The following CCDC82 variants were observed in gnomAD, a reference collection of about 807,000 sequenced individuals.
CCDC82 encodes the protein coiled-coil domain-containing protein 82.
CCDC82 carries 47 observed loss-of-function variants against 60.6 expected under a neutral mutation model. That is an observed-to-expected ratio of 0.77 (90% confidence interval 0.61 to 0.99). The LOEUF is 0.99. CCDC82 is among the 50% of genes least tolerant of loss of function. The pLI is 0.00. For synonymous variants in CCDC82, 212 were observed against 207.4 expected (o/e 1.02, Z -0.19); for missense variants, 588 against 633.0 (o/e 0.93, Z 0.76).
At chr11:96,387,876 G>A (rs1255886642) in intron 1 of CCDC82, 1 of 152,120 alleles carries the variant, frequency 6.6e-6, no homozygotes, top group East Asian at 1.9e-4. Flanking sequence ...AACACCAATT[G>A]CAAAATTTAA....
chr11:96,381,922 T>G (rs1865896516), intron 5 of CCDC82: 1 of 151,858 alleles, frequency 6.6e-6, no homozygotes. Flanking sequence ...GGCAGTAGCA[T>G]CAAACTACTA....
intron 5 of CCDC82, among the ~76,000 whole-genome samples, chr11:96,376,773 G>A (rs1481484053): frequency 2.6e-5 from 4 of 152,200 alleles, no homozygotes; most frequent in East Asian, 1.9e-4. Context: ...TTTTGGTTGC[G>A]ATTGTAGATG....
At position 96,365,167 on chromosome 11, in the gene CCDC82, TAA is replaced by T; in HGVS notation, c.1210-19_1210-18del. On this transcript the variant is annotated intron_variant, in intron 7 of 9. Coordinates refer to ENST00000646818, the MANE Select transcript of CCDC82 (RefSeq NM_024725.4). ...TACTCGCTCCTGAAAACAAAAAATATAAAAAAAAGTTTAAAAGATAAAGAATA... is the reference window on the plus strand; with the variant it reads ...TACTCGCTCCTGAAAACAAAAAATATAAAAAAGTTTAAAAGATAAAGAATA... 1 of 1,447,690 alleles carries T rather than the reference TAA, an allele frequency of 6.9e-7. No homozygotes were observed. The highest frequency in any genetic ancestry group is 9.3e-7 in the Non-Finnish European group (1 of 1,072,262). 89.7% of individuals were successfully genotyped at this position (1,447,690 alleles called of 1,614,324 possible).
chr11:96,360,200 T>TA (rs67524232), intron 8 of CCDC82, among the ~76,000 whole-genome samples: 14,285 of 142,988 alleles, frequency 0.1, 879 homozygotes, highest in Middle Eastern at 0.22. Context: ...ATATATATAT[T>TA]TTTTTTGTTT....
At position 96,359,017 on chromosome 11, in the gene CCDC82, T is replaced by TGACCGCCTGAAAATTCTTTC; in HGVS notation, c.1522_1541dup (p.Asn517PhefsTer45). 1 of 1,609,346 alleles carries TGACCGCCTGAAAATTCTTTC rather than the reference T, an allele frequency of 6.2e-7. No homozygotes were observed. Among genetic ancestry groups the TGACCGCCTGAAAATTCTTTC allele is most frequent in the Non-Finnish European group, 8.5e-7 (1 of 1,178,696 alleles). On this transcript the variant is annotated frameshift_variant, in exon 9 of 10. Transcript: ENST00000646818. LOFTEE classifies it high-confidence loss of function. ...CCTCCTTAATCCAGCCATTTTCTTTTGACCGCCTGAAAATTCTTTCCACTG... is the reference window on the plus strand; with the variant it reads ...CCTCCTTAATCCAGCCATTTTCTTTTGACCGCCTGAAAATTCTTTCGACCGCCTGAAAATTCTTTCCACTG...
At chr11:96,388,457 A>C (rs969130533) in intron 1 of CCDC82, 1 of 152,234 alleles carries the variant, frequency 6.6e-6, no homozygotes, top group Non-Finnish European at 1.5e-5. Flanking sequence ...CAATACTATC[A>C]CATCTTTGTG....
intron 5 of CCDC82, among the ~76,000 whole-genome samples, chr11:96,379,340 T>C (rs1166721204): frequency 6.6e-6 from 1 of 151,874 alleles, no homozygotes; most frequent in South Asian, 2.1e-4. Context: ...ATTATCACTC[T>C]AGAATATGTG....
rs1029896041 is a variant in CCDC82, at chr11:96,367,159, T to A, written c.1210-2009A>T. Among the ~76,000 whole-genome samples the A allele has an allele frequency of 2.0e-5, 3 of 152,228 alleles. No homozygotes were observed. In the South Asian group the frequency reaches 6.2e-4, roughly 31 times the overall value. The stretch of plus-strand genomic sequence containing the variant: ...GCTAGTTGCTGAAGGCTGGGGTAGC[T>A]GTGGCAATTTCTTAAAACAAGACAA... On this transcript the variant is annotated intron_variant, in intron 7 of 9. Transcript: ENST00000646818.
chr11:96,375,744 T>C (rs1046657076), intron 5 of CCDC82, among the ~76,000 whole-genome samples: 4 of 152,254 alleles, frequency 2.6e-5, no homozygotes, highest in Admixed American at 1.3e-4. Context: ...CCTAGTTAAA[T>C]ATTGTTACAC....
In CCDC82 at chr11:96,364,972, G is replaced by A; in HGVS notation, c.1380+8C>T. On this transcript the variant is annotated splice_region_variant and intron_variant, in intron 8 of 9. Transcript: ENST00000646818. ...TACTGAAAATTAAGATTAGAGGGAA[G>A]AAAATACCTGTTTATCATGTGACAT... 6.3e-7 allele frequency: 1 copy of A among 1,588,564 alleles called. No individual in the cohort carries two copies. Among genetic ancestry groups the A allele is most frequent in the Non-Finnish European group, 8.5e-7 (1 of 1,169,980 alleles).
intron 9 of CCDC82, chr11:96,357,405 G>A (rs1864401826): frequency 2.0e-6 from 2 of 985,062 alleles, no homozygotes; most frequent in African/African-American, 1.7e-5. Flanking sequence ...TATTCTTTAT[G>A]TATAACATGA....
At position 96,371,102 on chromosome 11, in the gene CCDC82, G is replaced by A; in HGVS notation, c.1120C>T (p.Leu374=). 6.3e-7 allele frequency: 1 copy of A among 1,599,228 alleles called. No homozygotes were observed. The highest frequency in any genetic ancestry group is 8.5e-7 in the Non-Finnish European group (1 of 1,172,260). The part of the protein sequence containing the change: ...TRQKSYAKDM[L]TSLHYLDNRF... ...TTATCCAAATAATGAAGAGATGTTA[G>A]CATATCTTTTGCATATGATTTTTGC... Residue 374 remains leucine, a synonymous_variant, in exon 7 of 10, where the codon CTA becomes TTA. Coordinates refer to ENST00000646818, the MANE Select transcript of CCDC82 (RefSeq NM_024725.4).
At chr11:96,361,000 C>T (rs1220167734) in intron 8 of CCDC82, among the ~76,000 whole-genome samples, 1 of 152,234 alleles carries the variant, frequency 6.6e-6, no homozygotes, top group South Asian at 2.1e-4. Flanking sequence ...TATTATTGTA[C>T]ATGGCTTATT....
At chr11:96,379,675 C>A (rs986487424) in intron 5 of CCDC82, among the ~76,000 whole-genome samples, 1 of 151,752 alleles carries the variant, frequency 6.6e-6, no homozygotes, top group African/African-American at 2.4e-5. Context: ...ATTACATAAC[C>A]AACACCAAAA....
chr11:96,387,170 A>G (rs1268577197), intron 2 of CCDC82: 1 of 152,270 alleles, frequency 6.6e-6, no homozygotes, highest in Non-Finnish European at 1.5e-5. Flanking sequence ...AATGACAAAT[A>G]TGGTTGCAGT....
intron 8 of CCDC82, among the ~76,000 whole-genome samples, chr11:96,361,431 T>A (rs1035477866): frequency 6.6e-6 from 1 of 152,208 alleles, no homozygotes; most frequent in African/African-American, 2.4e-5. Flanking sequence ...TTCCTACCCC[T>A]CTTGGCATCT....
At chr11:96,356,667 TTTA>T in intron 9 of CCDC82, 1 of 954,060 alleles carries the variant, frequency 1.0e-6, no homozygotes, top group African/African-American at 1.8e-5. Flanking sequence ...ATATTTTGGT[TTTA>T]TTATAATTTT....
rs193073500 is a variant in CCDC82, at chr11:96,372,915, G to T, written c.1084+460C>A. Reference sequence around the variant, plus strand: ...AGAATGATAAATATTATGTGAATGGGTCATAGATAGATTCATAGTACAAAT... The same window carrying T: ...AGAATGATAAATATTATGTGAATGGTTCATAGATAGATTCATAGTACAAAT... On this transcript the variant is annotated intron_variant, in intron 6 of 9. Coordinates refer to ENST00000646818, the MANE Select transcript of CCDC82 (RefSeq NM_024725.4). 3.3e-3 allele frequency among the ~76,000 whole-genome samples: 499 copies of T among 151,884 alleles called. 2 individuals are homozygous for T. The highest frequency in any genetic ancestry group is 4.8e-3 in the Non-Finnish European group (325 of 67,922).
rs76120346 is a variant in CCDC82 at position 96,370,350 on chromosome 11, A to T, written c.1209+663T>A. Among the ~76,000 whole-genome samples the T allele has an allele frequency of 4.6e-3, 700 of 152,312 alleles. 6 individuals are homozygous for T. Among genetic ancestry groups the T allele is most frequent in the African/African-American group, 0.016 (677 of 41,550 alleles). On this transcript the variant is annotated intron_variant, in intron 7 of 9. Transcript: ENST00000646818. ...CAAATCATATAGTACATCCTCTGCTATTAAAGATCATAAAATAGATAACTG... is the reference window on the plus strand; with the variant it reads ...CAAATCATATAGTACATCCTCTGCTTTTAAAGATCATAAAATAGATAACTG...
Sources: allele counts gnomAD v4.1 joint callset (sites outside exome capture counted in the v4.1 genomes callset), GRCh38; gene constraint gnomAD v4.1.1; transcripts MANE v1.5; gene names NCBI Gene and HGNC (gene_info 2026-07-23, HGNC 2026-07-21).